The following JDP2 variants were observed in gnomAD, a reference collection of about 807,000 sequenced individuals.
JDP2 encodes progesterone receptor co-activator.
Under a neutral mutation model 17.1 loss-of-function variants are expected in JDP2, and 9 were observed. The ratio of observed to expected loss-of-function variants is 0.53; its 90% CI spans 0.32 to 0.92. The LOEUF (loss-of-function observed/expected upper bound fraction) is 0.92, where lower values mean the gene tolerates loss of function less well. Among genes scored for constraint, JDP2 ranks in the 40% least tolerant of loss-of-function variants. JDP2 has a pLI of 0.04. For synonymous variants in JDP2, 107 were observed against 95.6 expected (o/e 1.12, Z -0.69); for missense variants, 179 against 220.0 (o/e 0.81, Z 1.18).
chr14:75,430,190 T>C lies in JDP2; in HGVS notation c.-24+1938T>C, dbSNP rs529695569. Among the ~76,000 whole-genome samples the C allele has an allele frequency of 1.5e-4, 23 of 152,310 alleles. No individual in the cohort carries two copies. The highest frequency in any genetic ancestry group is 4.6e-4 in the African/African-American group (19 of 41,564). On this transcript the variant is annotated intron_variant, in intron 1 of 3. Coordinates refer to ENST00000651602, the MANE Select transcript of JDP2 (RefSeq NM_001135048.2). The surrounding 1 kb of genome is among the most constrained non-coding windows in gnomAD (Gnocchi z 4.5). ...CAACCTGCAGAATCCCTGGCAGGAA[T>C]AGGCTCTCTGGGCCTTGTTTGTCGT... is the stretch of plus-strand genomic sequence containing the variant.
intron 2 of JDP2, 66 bp downstream of exon 2, chr14:75,438,187 C>T: frequency 4.7e-6 from 6 of 1,284,194 alleles, no homozygotes; most frequent in Non-Finnish European, 6.5e-6. Flanking sequence ...GGACCTTAAC[C>T]TTGCTGTTCA....
rs948468767 is a variant in JDP2 at position 75,440,954 on chromosome 14, C to T, written c.201+2833C>T. On this transcript the variant is annotated intron_variant, in intron 2 of 3. Coordinates refer to ENST00000651602, the MANE Select transcript of JDP2 (RefSeq NM_001135048.2). ...TTGAGCCCAAGCTTTAACCACATGCCGTGTGGCCTCCCATGCCTCTATACC... is the reference window on the plus strand; with the variant it reads ...TTGAGCCCAAGCTTTAACCACATGCTGTGTGGCCTCCCATGCCTCTATACC... Among the ~76,000 whole-genome samples the T allele has an allele frequency of 3.3e-5, 5 of 152,328 alleles. No individual in the cohort carries two copies. In the East Asian group the frequency reaches 5.8e-4, roughly 18 times the overall value.
At chr14:75,468,492 G>A (rs1372842497) in intron 3 of JDP2, among the ~76,000 whole-genome samples, 1 of 151,856 alleles carries the variant, frequency 6.6e-6, no homozygotes, top group Non-Finnish European at 1.5e-5. Context: ...GCCTTGAATC[G>A]ATATGCCCAT....
In JDP2 at chr14:75,469,276, G is replaced by A. The variant is rs768310284; in HGVS notation, c.307-14G>A. 90 of 1,611,094 alleles carry A rather than the reference G, an allele frequency of 5.6e-5. No homozygotes were observed. Among genetic ancestry groups the A allele is most frequent in the Non-Finnish European group, 7.6e-5 (89 of 1,178,076 alleles). On this transcript the variant is annotated splice_polypyrimidine_tract_variant and intron_variant, in intron 3 of 3. Coordinates refer to ENST00000651602, the MANE Select transcript of JDP2 (RefSeq NM_001135048.2). The stretch of plus-strand genomic sequence containing the variant: ...CCCGTGAAACTCACAGCGTGCTTCT[G>A]TGTTGGTATACAGGAATCCGAGCGG...
At chr14:75,463,971 A>G (rs1356502820) in intron 3 of JDP2, among the ~76,000 whole-genome samples, 3 of 152,236 alleles carry the variant, frequency 2.0e-5, no homozygotes, top group Non-Finnish European at 4.4e-5. Flanking sequence ...TCTGGCGGCA[A>G]TGTGGGGCAC....
chr14:75,462,749 G>T (rs1886396433), intron 3 of JDP2, among the ~76,000 whole-genome samples: 2 of 152,122 alleles, frequency 1.3e-5, no homozygotes, highest in South Asian at 4.1e-4. Context: ...ACTCTGGAGG[G>T]TCTATGGGCA....
upstream of JDP2, chr14:75,427,473 C>A (rs574248233): frequency 1.3e-5 from 2 of 152,662 alleles, no homozygotes; most frequent in African/African-American, 4.8e-5. This position sits in a 1 kb window ranked among gnomAD's most constrained non-coding sequence, Gnocchi z 4.4. Context: ...TCCTCACCCG[C>A]TCAGTCCTGA....
chr14:75,451,327 G>T (rs376971226), intron 2 of JDP2, among the ~76,000 whole-genome samples: 16 of 151,852 alleles, frequency 1.1e-4, no homozygotes, highest in African/African-American at 3.4e-4. Flanking sequence ...GTGGATGGGG[G>T]GAGCAAATCT....
intron 3 of JDP2, among the ~76,000 whole-genome samples, chr14:75,468,643 G>T (rs767695074): frequency 2.3e-4 from 35 of 152,196 alleles, no homozygotes; most frequent in Admixed American, 1.2e-3. Flanking sequence ...AACCTCATTT[G>T]GGATCCAGCA....
intron 2 of JDP2, among the ~76,000 whole-genome samples, chr14:75,455,251 C>G (rs1346318827): frequency 1.3e-5 from 2 of 152,122 alleles, no homozygotes; most frequent in Non-Finnish European, 2.9e-5. Context: ...GTTGGCCAAC[C>G]ACACTCCACA....
At chr14:75,439,010 G>C (rs1037473988) in intron 2 of JDP2, among the ~76,000 whole-genome samples, 1 of 152,224 alleles carries the variant, frequency 6.6e-6, no homozygotes. Context: ...GGCTGGGATC[G>C]GGAGGGCGCA....
intron 2 of JDP2, among the ~76,000 whole-genome samples, chr14:75,457,073 C>G (rs1483675745): frequency 6.6e-6 from 1 of 152,252 alleles, no homozygotes; most frequent in African/African-American, 2.4e-5. Flanking sequence ...TGCTCCCCTC[C>G]CACCCTCAGC....
chr14:75,472,319 T>C lies in JDP2; in HGVS notation c.*2844T>C, dbSNP rs1886831590. The C allele has an allele frequency of 1.3e-5, 2 of 152,202 alleles. No homozygotes were observed. The highest frequency in any genetic ancestry group is 4.1e-4 in the South Asian group (2 of 4,824). 9.4% of individuals were successfully genotyped at this position (152,202 alleles called of 1,614,324 possible). A position where few individuals can be genotyped will look rare whatever the true frequency, so the allele number is the denominator to read the frequency against. ...GGTGTTAGGTGGCAGAGCCAAGATGTTATTGTCAGTCTGACTTCAGGTGCA... is the reference window on the plus strand; with the variant it reads ...GGTGTTAGGTGGCAGAGCCAAGATGCTATTGTCAGTCTGACTTCAGGTGCA... On this transcript the variant is annotated 3_prime_UTR_variant, in exon 4 of 4. Transcript: ENST00000651602.
intron 2 of JDP2, chr14:75,445,614 A>G: frequency 1.0e-6 from 1 of 983,664 alleles, no homozygotes; most frequent in Middle Eastern, 5.2e-4. Context: ...CCTTGTAAAA[A>G]TAGGGGAAAT....
intron 1 of JDP2, chr14:75,432,321 A>C: frequency 6.4e-7 from 1 of 1,551,512 alleles, no homozygotes; most frequent in Non-Finnish European, 8.7e-7. Context: ...TGATTCTCCA[A>C]GATTCATGGT....
At chr14:75,450,083 A>G (rs1258990977) in intron 2 of JDP2, among the ~76,000 whole-genome samples, 2 of 152,286 alleles carry the variant, frequency 1.3e-5, no homozygotes, top group South Asian at 2.1e-4. Context: ...GGTTTTTACT[A>G]TGGACAAGGG....
intron 3 of JDP2, among the ~76,000 whole-genome samples, chr14:75,462,953 G>A (rs1396103521): frequency 1.3e-5 from 2 of 152,198 alleles, no homozygotes; most frequent in Non-Finnish European, 2.9e-5. Flanking sequence ...TCTTCAGGAA[G>A]TTTCTAAGAC....
At chr14:75,432,758 A>G (rs1884866878) in intron 1 of JDP2, among the ~76,000 whole-genome samples, 1 of 152,210 alleles carries the variant, frequency 6.6e-6, no homozygotes, top group Admixed American at 6.5e-5. Flanking sequence ...CATGATGCAG[A>G]TGCTAAGTTT....
At chr14:75,449,323 C>T (rs1885746914) in intron 2 of JDP2, among the ~76,000 whole-genome samples, 1 of 152,154 alleles carries the variant, frequency 6.6e-6, no homozygotes, top group Admixed American at 6.5e-5. Flanking sequence ...TTCAGAACAG[C>T]CTTGTTCATA....
Sources: gnomAD v4.1 joint callset for allele counts (sites outside exome capture counted in the v4.1 genomes callset) on GRCh38, gnomAD v4.1.1 for gene constraint, Gnocchi (gnomAD v3.1) non-coding constraint, MANE v1.5 for transcripts, NCBI Gene and HGNC (gene_info 2026-07-23, HGNC 2026-07-21) for gene names.